GNG12: variants seen among roughly 807,000 people sequenced by gnomAD.
GNG12 encodes the protein G protein subunit gamma 12.
For synonymous variants in GNG12, 28 were observed against 29.7 expected (o/e 0.94, Z 0.19); for missense variants, 69 against 83.8 (o/e 0.82, Z 0.69).
intron 1 of GNG12, among the ~76,000 whole-genome samples, chr1:67,828,996 C>T (rs753549309): frequency 2.0e-5 from 3 of 152,080 alleles, no homozygotes; most frequent in Non-Finnish European, 4.4e-5. Context: ...GTAACTATTA[C>T]GCAAATTTTT....
chr1:67,804,726 C>A (rs548350775), intron 1 of GNG12, among the ~76,000 whole-genome samples: 1 of 151,768 alleles, frequency 6.6e-6, no homozygotes, highest in African/African-American at 2.4e-5. Flanking sequence ...CAGAAGCCTG[C>A]GTAGGAACCA....
intron 2 of GNG12, among the ~76,000 whole-genome samples, chr1:67,776,614 C>G (rs573570212): frequency 3.7e-4 from 56 of 152,222 alleles, no homozygotes; most frequent in Admixed American, 5.2e-4. Flanking sequence ...CATTATCTCT[C>G]CACCTGACAG....
At chr1:67,726,760 T>TAACA in intron 2 of GNG12, among the ~76,000 whole-genome samples, 1 of 152,340 alleles carries the variant, frequency 6.6e-6, no homozygotes, top group Non-Finnish European at 1.5e-5. Context: ...CAACATCTTG[T>TAACA]GTGTTCTGAG....
chr1:67,746,450 A>G (rs1557603515), intron 2 of GNG12, among the ~76,000 whole-genome samples: 1 of 152,204 alleles, frequency 6.6e-6, no homozygotes, highest in African/African-American at 2.4e-5. Context: ...GCAAGCCTGT[A>G]ACATCCCTTC....
chr1:67,707,578 A>G lies in GNG12; in HGVS notation c.93+16T>C, dbSNP rs1416102123. 2 of 1,297,034 alleles carry G rather than the reference A, an allele frequency of 1.5e-6. No homozygotes were observed. The highest frequency in any genetic ancestry group is 2.2e-6 in the Non-Finnish European group (2 of 895,992). The allele number at this position is 1,297,034 out of a possible 1,614,324, so 80.3% of individuals were successfully genotyped here. ...ACTGAGCAGAAAGCATATGTTATCC[A>G]GTCGGGGCTTCTTACCTTTATTCTT... On this transcript the variant is annotated intron_variant, in intron 3 of 3. Transcript: ENST00000370982.
chr1:67,730,968 T>C (rs2100699455), intron 2 of GNG12, among the ~76,000 whole-genome samples: 1 of 152,312 alleles, frequency 6.6e-6, no homozygotes, highest in South Asian at 2.1e-4. Flanking sequence ...ATTCATGGTA[T>C]TCCATAGCAT....
chr1:67,756,336 T>C (rs1218580364), intron 2 of GNG12, among the ~76,000 whole-genome samples: 11 of 152,090 alleles, frequency 7.2e-5, no homozygotes, highest in Non-Finnish European at 1.0e-4. Context: ...ATTCTGACTG[T>C]AATATGAGGT....
At chr1:67,763,121 A>AGAGAGAGAGAGAGAGAGAGAGAGAGAGAG (rs1646616460) in intron 2 of GNG12, among the ~76,000 whole-genome samples, 1 of 25,866 alleles carries the variant, frequency 3.9e-5, no homozygotes, top group African/African-American at 1.3e-4. Context: ...GAGAGAGAGA[A>AGAGAGAGAGAGAGAGAGAGAGAGAGAGAG]TCAATATGAA....
At chr1:67,730,842 T>G (rs1007751629) in intron 2 of GNG12, among the ~76,000 whole-genome samples, 1 of 152,248 alleles carries the variant, frequency 6.6e-6, no homozygotes, top group African/African-American at 2.4e-5. Flanking sequence ...TCAATACGGC[T>G]GTAATCTATT....
At chr1:67,711,316 A>G (rs1407131167) in intron 2 of GNG12, among the ~76,000 whole-genome samples, 1 of 152,148 alleles carries the variant, frequency 6.6e-6, no homozygotes, top group African/African-American at 2.4e-5. Context: ...AAACAGGTTG[A>G]CAGGAGGAAA....
chr1:67,796,742 T>C (rs932055870), intron 1 of GNG12, among the ~76,000 whole-genome samples: 1 of 152,092 alleles, frequency 6.6e-6, no homozygotes, highest in African/African-American at 2.4e-5. Context: ...AGAAATGGGG[T>C]AGTGTTGTTT....
intron 2 of GNG12, among the ~76,000 whole-genome samples, chr1:67,741,096 G>A (rs1646480706): frequency 1.3e-5 from 2 of 152,140 alleles, no homozygotes; most frequent in South Asian, 4.1e-4. Context: ...TAATCAGACA[G>A]CTTATTACCT....
intron 2 of GNG12, among the ~76,000 whole-genome samples, chr1:67,743,226 A>G (rs1365283616): frequency 6.6e-6 from 1 of 152,216 alleles, no homozygotes; most frequent in South Asian, 2.1e-4. Flanking sequence ...ATGAAATGCT[A>G]TCTAGTGTTT....
chr1:67,767,011 G>A (rs989200427), intron 2 of GNG12, among the ~76,000 whole-genome samples: 11 of 152,210 alleles, frequency 7.2e-5, no homozygotes, highest in Non-Finnish European at 1.6e-4. Context: ...GTGTGTCCCT[G>A]ACCCATGGAT....
intron 2 of GNG12, among the ~76,000 whole-genome samples, chr1:67,731,424 G>A: frequency 6.6e-6 from 1 of 152,210 alleles, no homozygotes; most frequent in East Asian, 1.9e-4. Flanking sequence ...ATAAGGCCAA[G>A]GAGAGTTCAG....
intron 1 of GNG12, among the ~76,000 whole-genome samples, chr1:67,782,408 G>T (rs751065754): frequency 2.0e-5 from 3 of 152,118 alleles, no homozygotes; most frequent in Non-Finnish European, 4.4e-5. Context: ...GGTACACCCC[G>T]AAAGGTTGAA....
rs1302766302 is a variant in GNG12, at chr1:67,808,866, C to T, written c.-77+24478G>A. 7.2e-5 allele frequency among the ~76,000 whole-genome samples: 11 copies of T among 152,166 alleles called. No homozygotes were observed. In the East Asian group the frequency reaches 2.1e-3, roughly 29 times the overall value. ...CAATATTGTCAAGATGTCAGTTCTC[C>T]CTAACTTGACCTATAGATTCAGTGC... is the stretch of plus-strand genomic sequence containing the variant. On this transcript the variant is annotated intron_variant, in intron 1 of 3. Transcript: ENST00000370982.
intron 2 of GNG12, among the ~76,000 whole-genome samples, chr1:67,767,330 T>C (rs1036663103): frequency 3.8e-4 from 58 of 152,152 alleles, no homozygotes; most frequent in African/African-American, 1.2e-3. Flanking sequence ...GGGCCTGAGC[T>C]CCTCCCGCTT....
At chr1:67,750,221 T>C (rs1646530532) in intron 2 of GNG12, among the ~76,000 whole-genome samples, 1 of 152,248 alleles carries the variant, frequency 6.6e-6, no homozygotes, top group Non-Finnish European at 1.5e-5. Context: ...TACTGCTTCA[T>C]GCTTGTGTGA....
Sources: allele counts gnomAD v4.1 joint callset (sites outside exome capture counted in the v4.1 genomes callset), GRCh38; gene constraint gnomAD v4.1.1; transcripts MANE v1.5; gene names NCBI Gene and HGNC (gene_info 2026-07-23, HGNC 2026-07-21).